The following C7orf33 variants were observed in gnomAD, a reference collection of about 807,000 sequenced individuals.
C7orf33 encodes the protein uncharacterized protein C7orf33.
Under a neutral mutation model 13.4 loss-of-function variants are expected in C7orf33, and 15 were observed. The observed-to-expected ratio is 1.12, with a 90% CI of 0.75 to 1.72. The LOEUF (loss-of-function observed/expected upper bound fraction) is 1.72. Among genes scored for constraint, C7orf33 ranks in the 40% most tolerant of loss-of-function variants. The pLI is 0.00. For missense variants in C7orf33, 187 were observed against 220.3 expected (o/e 0.85, Z 0.96); for synonymous variants, 73 against 83.2 (o/e 0.88, Z 0.67).
chr7:148,607,461 CAT>C (rs1382736142), intron 1 of C7orf33, among the ~76,000 whole-genome samples: 3 of 152,158 alleles, frequency 2.0e-5, no homozygotes, highest in African/African-American at 4.8e-5. Flanking sequence ...GACTCCCACA[CAT>C]GTCTGGAAGC....
intron 1 of C7orf33, among the ~76,000 whole-genome samples, chr7:148,604,623 G>T (rs1028770976): frequency 6.6e-6 from 1 of 152,188 alleles, no homozygotes; most frequent in Non-Finnish European, 1.5e-5. Flanking sequence ...CTGCTCAGGT[G>T]ATGGGTCCAC....
rs1796576173 is a variant in C7orf33, at chr7:148,614,144, C to T, written c.307C>T (p.Pro103Ser). Residue 103 changes from proline to serine, a missense_variant, in exon 2 of 3, where the codon CCC becomes TCC. Pro to Ser is a moderately conservative substitution (Grantham distance 74). Transcript: ENST00000307003. ...CCCGTGGCATTTTCTTTCTCAAGGT[C>T]CCACGGATGCCCAGAGAGCAGTCAG... is the stretch of plus-strand genomic sequence containing the variant. Reference protein sequence around the residue: ...GAPWHFLSQGPTDAQRAVRIR... With the variant: ...GAPWHFLSQGSTDAQRAVRIR... The T allele has an allele frequency of 2.5e-6, 4 of 1,614,178 alleles. No homozygotes were observed. The highest frequency in any genetic ancestry group is 3.4e-6 in the Non-Finnish European group (4 of 1,180,040).
chr7:148,594,468 G>T (rs1297114825), intron 1 of C7orf33, among the ~76,000 whole-genome samples: 3 of 152,028 alleles, frequency 2.0e-5, no homozygotes, highest in African/African-American at 7.3e-5. Context: ...GAACCACCGC[G>T]CCCGACCAAC....
Position 148,591,081 on chromosome 7 carries a change from G to T in C7orf33, c.156G>T (p.Arg52Ser). Reference protein sequence around the residue: ...GRAVAVWVHVRGGPGQFNLSY... With the variant: ...GRAVAVWVHVSGGPGQFNLSY... ...CAGTCGCTGTTTGGGTCCACGTTAG[G>T]GGCGGTCCAGGTCAATTTAACTTGT... Residue 52 changes from arginine to serine, a missense_variant, in exon 1 of 3, where the codon AGG becomes AGT. Arg to Ser is a moderately radical substitution (Grantham distance 110). Transcript: ENST00000307003. 1.2e-6 allele frequency: 2 copies of T among 1,613,932 alleles called. No individual in the cohort carries two copies. The highest frequency in any genetic ancestry group is 1.7e-6 in the Non-Finnish European group (2 of 1,179,974).
chr7:148,600,055 C>T (rs1203254322), intron 1 of C7orf33, among the ~76,000 whole-genome samples: 2 of 152,204 alleles, frequency 1.3e-5, no homozygotes, highest in Non-Finnish European at 2.9e-5. Flanking sequence ...ATTTCACAGC[C>T]CATGCCCCGC....
At chr7:148,593,429 A>AT (rs1408381982) in intron 1 of C7orf33, among the ~76,000 whole-genome samples, 5 of 151,196 alleles carry the variant, frequency 3.3e-5, no homozygotes, top group African/African-American at 4.9e-5. Flanking sequence ...CTCCCAGCTA[A>AT]TTTTTTTGTA....
Position 148,615,525 on chromosome 7 carries a change from G to C in C7orf33, c.*124G>C. 1 of 644,624 alleles carries C rather than the reference G, an allele frequency of 1.6e-6. No individual in the cohort carries two copies. Among genetic ancestry groups the C allele is most frequent in the Non-Finnish European group, 2.8e-6 (1 of 363,032 alleles). 39.9% of individuals were successfully genotyped at this position (644,624 alleles called of 1,614,324 possible). A position where few individuals can be genotyped will look rare whatever the true frequency, so the allele number is the denominator to read the frequency against. On this transcript the variant is annotated 3_prime_UTR_variant, in exon 3 of 3. Coordinates refer to ENST00000307003, the MANE Select transcript of C7orf33 (RefSeq NM_145304.4). ...ACAGTTGATGAAAACTTGGTAATCT[G>C]AAGTCTGAACTTTGAACACCAGCAG... is the stretch of plus-strand genomic sequence containing the variant.
chr7:148,600,740 A>G (rs959933481), intron 1 of C7orf33, among the ~76,000 whole-genome samples: 6 of 150,900 alleles, frequency 4.0e-5, no homozygotes, highest in Non-Finnish European at 8.8e-5. Flanking sequence ...AATCTTTCAA[A>G]GGACCAGCTT....
At chr7:148,593,105 C>A (rs1361316055) in intron 1 of C7orf33, among the ~76,000 whole-genome samples, 1 of 152,008 alleles carries the variant, frequency 6.6e-6, no homozygotes, top group African/African-American at 2.4e-5. Flanking sequence ...CTCCCAAAGT[C>A]CTGGGATTAC....
At chr7:148,593,951 G>A (rs1796299020) in intron 1 of C7orf33, among the ~76,000 whole-genome samples, 5 of 152,176 alleles carry the variant, frequency 3.3e-5, no homozygotes, top group Admixed American at 3.3e-4. Context: ...CATCCTCTTG[G>A]TGCTGTCCTT....
chr7:148,611,070 G>A (rs374498619), intron 1 of C7orf33, among the ~76,000 whole-genome samples: 4 of 152,230 alleles, frequency 2.6e-5, no homozygotes, highest in Non-Finnish European at 4.4e-5. Flanking sequence ...TTCCTCCAGC[G>A]TGCTCCTTGC....
At chr7:148,597,855 A>G (rs1289622780) in intron 1 of C7orf33, among the ~76,000 whole-genome samples, 2 of 152,068 alleles carry the variant, frequency 1.3e-5, no homozygotes, top group East Asian at 1.9e-4. Flanking sequence ...TCCCAGGTTC[A>G]CGCCATTCTC....
intron 2 of C7orf33, 149 bp from the exon 3 acceptor site, chr7:148,615,178 A>G (rs1796588488): frequency 3.7e-6 from 2 of 544,204 alleles, no homozygotes; most frequent in Non-Finnish European, 6.8e-6. Context: ...GGCTCAAGCG[A>G]TCCACCCACC....
chr7:148,608,679 G>C (rs1796503324), intron 1 of C7orf33, among the ~76,000 whole-genome samples: 1 of 151,790 alleles, frequency 6.6e-6, no homozygotes, highest in Non-Finnish European at 1.5e-5. Flanking sequence ...GCCAGGCGTG[G>C]TGGCGCATGC....
intron 2 of C7orf33, among the ~76,000 whole-genome samples, chr7:148,614,627 G>T (rs12113720): frequency 0.064 from 9,814 of 152,192 alleles, 758 homozygotes; most frequent in African/African-American, 0.19. Flanking sequence ...AATTCTTCGT[G>T]CAAATGCCAT....
chr7:148,597,199 A>G (rs1485414610), intron 1 of C7orf33, among the ~76,000 whole-genome samples: 1 of 151,446 alleles, frequency 6.6e-6, no homozygotes, highest in African/African-American at 2.4e-5. Flanking sequence ...CATATATATA[A>G]TACATACATA....
At chr7:148,592,180 C>T (rs549108449) in intron 1 of C7orf33, among the ~76,000 whole-genome samples, 74 of 152,238 alleles carry the variant, frequency 4.9e-4, no homozygotes, top group African/African-American at 1.7e-3. Flanking sequence ...TCTGGTCATT[C>T]GAGGGCAGAG....
chr7:148,604,773 G>A (rs1179220976), intron 1 of C7orf33, among the ~76,000 whole-genome samples: 1 of 152,162 alleles, frequency 6.6e-6, no homozygotes, highest in Non-Finnish European at 1.5e-5. Flanking sequence ...TCCATAGGAA[G>A]TTACTACAAG....
intron 1 of C7orf33, among the ~76,000 whole-genome samples, chr7:148,604,870 C>T (rs948114138): frequency 2.6e-5 from 4 of 152,154 alleles, no homozygotes; most frequent in African/African-American, 4.8e-5. Context: ...CATGCTTCAA[C>T]ATGAATTAAA....
Sources: allele counts gnomAD v4.1 joint callset (sites outside exome capture counted in the v4.1 genomes callset), GRCh38; gene constraint gnomAD v4.1.1; transcripts MANE v1.5; gene names NCBI Gene and HGNC (gene_info 2026-07-23, HGNC 2026-07-21).